The following SRCIN1 variants were observed in gnomAD, a reference collection of about 807,000 sequenced individuals.
SRCIN1 encodes the protein P130Cas-associated protein.
SRCIN1 carries 50 observed loss-of-function variants against 116.2 expected under a neutral mutation model. That is an observed-to-expected ratio of 0.43 (90% CI 0.34 to 0.54). The LOEUF (loss-of-function observed/expected upper bound fraction) is 0.54. Ranked by LOEUF, SRCIN1 falls within the 20% of genes least tolerant of loss-of-function variation. SRCIN1 has a pLI of 0.02. For synonymous variants in SRCIN1, 736 were observed against 750.0 expected (o/e 0.98, Z 0.30); for missense variants, 1,446 against 1,672.0 (o/e 0.86, Z 2.36).
At chr17:38,573,831 G>A (rs1567873514) in intron 2 of SRCIN1, among the ~76,000 whole-genome samples, 1 of 152,218 alleles carries the variant, frequency 6.6e-6, no homozygotes, top group East Asian at 1.9e-4. Flanking sequence ...CAGCCTTGGG[G>A]GCAGACACAT....
chr17:38,589,904 C>G (rs567030183), intron 1 of SRCIN1, among the ~76,000 whole-genome samples: 24 of 152,164 alleles, frequency 1.6e-4, no homozygotes, highest in Non-Finnish European at 2.9e-4. Context: ...GAGGGCAGCC[C>G]GGAGTTCACA....
Position 38,562,064 on chromosome 17 carries a change from C to CGCTGGG in SRCIN1, c.1093_1098dup (p.Pro365_Ser366dup). On this transcript the variant is annotated inframe_insertion, in exon 7 of 19. Coordinates refer to ENST00000617146, the MANE Select transcript of SRCIN1 (RefSeq NM_025248.3). The surrounding 1 kb of genome is among the most constrained non-coding windows in gnomAD (Gnocchi z 4.2). ...TTCACGTCGCGCCGCTCCAGGATGG[C>CGCTGGG]GCTGGGGCTGGGGCTGACGCCCTGG... 4 of 1,483,172 alleles carry CGCTGGG rather than the reference C, an allele frequency of 2.7e-6. No homozygotes were observed. The highest frequency in any genetic ancestry group is 3.6e-6 in the Non-Finnish European group (4 of 1,124,396). The allele number at this position is 1,483,172 out of a possible 1,614,324, so 91.9% of individuals were successfully genotyped here. A position where few individuals can be genotyped will look rare whatever the true frequency, so the allele number is the denominator to read the frequency against.
Position 38,585,437 on chromosome 17 carries a change from G to A in SRCIN1, c.23-6646C>T, listed in dbSNP as rs1908060946. ...CAGTCGGGAAGCACACGGTGTGCTT[G>A]GAGGTTGGAGGCCAGAGGACAAAGG... On this transcript the variant is annotated intron_variant, in intron 1 of 18. Transcript: ENST00000617146. The surrounding 1 kb of genome is among the most constrained non-coding windows in gnomAD (Gnocchi z 4.2). Among the ~76,000 whole-genome samples, 1 of 152,216 alleles carries A rather than the reference G, an allele frequency of 6.6e-6. No homozygotes were observed.
At position 38,544,115 on chromosome 17, in the gene SRCIN1, G is replaced by T. The variant is rs567780399; in HGVS notation, c.3271-146C>A. ...GAGACCCCTCTCTAGCTCCACACCCGAGTCCAGAACCCAGGTCCACCCTCT... is the reference window on the plus strand; with the variant it reads ...GAGACCCCTCTCTAGCTCCACACCCTAGTCCAGAACCCAGGTCCACCCTCT... On this transcript the variant is annotated intron_variant, in intron 17 of 18. Transcript: ENST00000617146. This position sits in a 1 kb window ranked among gnomAD's most constrained non-coding sequence, Gnocchi z 4.5. 18 of 1,007,020 alleles carry T rather than the reference G, an allele frequency of 1.8e-5. No individual in the cohort carries two copies. The East Asian group carries it at 3.0e-4, about 17-fold the overall frequency. 62.4% of individuals were successfully genotyped at this position (1,007,020 alleles called of 1,614,324 possible).
In SRCIN1 at chr17:38,562,783, C is replaced by CA; in HGVS notation, c.834+43dup. 1 of 1,554,136 alleles carries CA rather than the reference C, an allele frequency of 6.4e-7. No homozygotes were observed. The highest frequency in any genetic ancestry group is 1.4e-5 in the African/African-American group (1 of 73,686). ...GCCCAGACCCTGCTCCCCTGGACCCCATGTGCCCAGCCTCCCCAATGCCCT... is the reference window on the plus strand; with the variant it reads ...GCCCAGACCCTGCTCCCCTGGACCCCAATGTGCCCAGCCTCCCCAATGCCCT... On this transcript the variant is annotated intron_variant, in intron 6 of 18. Transcript: ENST00000617146. This position sits in a 1 kb window ranked among gnomAD's most constrained non-coding sequence, Gnocchi z 4.2.
In SRCIN1 at chr17:38,578,582, G is replaced by T. The variant is rs778725959; in HGVS notation, c.232C>A (p.Arg78Ser). 6.8e-6 allele frequency: 11 copies of T among 1,612,100 alleles called. No homozygotes were observed. The South Asian group carries it at 9.9e-5, about 14-fold the overall frequency. ...TGGTCCATGAAGGCATCACGCTTGC[G>T]GTCGGCGTCCGCCTTCTGGAGCCCG... Reference protein sequence around the residue: ...LSGLQKADADRKRDAFMDHLK... With the variant: ...LSGLQKADADSKRDAFMDHLK... Residue 78 changes from arginine to serine, a missense_variant, in exon 2 of 19, where the codon CGC becomes AGC. This residue lies in a region of SRCIN1 where 246 missense variants were observed against 265.1 expected (regional missense o/e 0.93). Transcript: ENST00000617146.
In SRCIN1 at chr17:38,572,401, G is replaced by A. The variant is rs1907137368; in HGVS notation, c.325-4170C>T. Among the ~76,000 whole-genome samples the A allele has an allele frequency of 6.6e-6, 1 of 152,164 alleles. No individual in the cohort carries two copies. Among genetic ancestry groups the A allele is most frequent in the African/African-American group, 2.4e-5 (1 of 41,444 alleles). ...GTGCTGTGGGACGCTGGGGAAGAGGGCGCACCCCGGGAAGGTCATGACTTT... is the reference window on the plus strand; with the variant it reads ...GTGCTGTGGGACGCTGGGGAAGAGGACGCACCCCGGGAAGGTCATGACTTT... On this transcript the variant is annotated intron_variant, in intron 2 of 18. Coordinates refer to ENST00000617146, the MANE Select transcript of SRCIN1 (RefSeq NM_025248.3). The surrounding 1 kb of genome is among the most constrained non-coding windows in gnomAD (Gnocchi z 4.3).
At chr17:38,596,073 A>G (rs1439087276) in intron 1 of SRCIN1, among the ~76,000 whole-genome samples, 5 of 152,068 alleles carry the variant, frequency 3.3e-5, no homozygotes, top group Non-Finnish European at 5.9e-5. Context: ...TAACCTGGAG[A>G]CTTTAAACAG....
chr17:38,606,809 A>ACCCAGT (rs374645041), upstream of SRCIN1, among the ~76,000 whole-genome samples: 166 of 151,954 alleles, frequency 1.1e-3, no homozygotes, highest in African/African-American at 3.7e-3. This position sits in a 1 kb window ranked among gnomAD's most constrained non-coding sequence, Gnocchi z 5.2. Context: ...CCAGACCCAG[A>ACCCAGT]CCCAGGCCCG....
Position 38,533,402 on chromosome 17 carries a change from C to T in SRCIN1, c.3447G>A (p.Gly1149=), listed in dbSNP as rs200951084. ...AGACTGGGCTCGAGGTCTCATTCGA[C>T]CCGCTCATCTCTTTAGATGGTTTAG... The part of the protein sequence containing the change: ...QATKPSKEMS[G]SNETSSPVSE... The change falls in exon 19 of 19, where the codon GGG becomes GGA. Residue 1149 remains glycine, a synonymous_variant. Transcript: ENST00000617146. 6.2e-7 allele frequency: 1 copy of T among 1,612,824 alleles called. No homozygotes were observed. Among genetic ancestry groups the T allele is most frequent in the Admixed American group, 1.7e-5 (1 of 59,884 alleles).
At position 38,562,213 on chromosome 17, in the gene SRCIN1, G is replaced by A; in HGVS notation, c.950C>T (p.Pro317Leu). Residue 317 changes from proline (P) to leucine (L), a missense_variant, in exon 7 of 19, where the codon CCG becomes CTG. By Grantham distance (98) the Pro-to-Leu change is moderately conservative (BLOSUM62 -3). This residue lies in a region of SRCIN1 where 239 missense variants were observed against 317.7 expected (regional missense o/e 0.75). Coordinates refer to ENST00000617146, the MANE Select transcript of SRCIN1 (RefSeq NM_025248.3). This position sits in a 1 kb window ranked among gnomAD's most constrained non-coding sequence, Gnocchi z 4.2. ...SPPPGLPSGL[P>L]SGLQSGSPSR... ...CGGCGAACCGGACTGCAGCCCGGAC[G>A]GCAGCCCCGACGGCAGCCCGGGCGG... The A allele has an allele frequency of 7.0e-7, 1 of 1,433,274 alleles. No individual in the cohort carries two copies. The highest frequency in any genetic ancestry group is 9.1e-7 in the Non-Finnish European group (1 of 1,103,352). The allele number at this position is 1,433,274 out of a possible 1,614,324, so 88.8% of individuals were successfully genotyped here.
chr17:38,537,071 G>C (rs1279171710), intron 18 of SRCIN1, among the ~76,000 whole-genome samples: 1 of 151,972 alleles, frequency 6.6e-6, no homozygotes, highest in Non-Finnish European at 1.5e-5. Context: ...CCAGCTACCT[G>C]GGAGGCTGAG....
At chr17:38,564,660 C>T (rs1906562847) in intron 3 of SRCIN1, among the ~76,000 whole-genome samples, 1 of 148,798 alleles carries the variant, frequency 6.7e-6, no homozygotes, top group Non-Finnish European at 1.5e-5. Context: ...GCAGCAGAAT[C>T]GTTGAGCAAA....
intron 18 of SRCIN1, among the ~76,000 whole-genome samples, chr17:38,535,773 C>A (rs1415495998): frequency 6.6e-6 from 1 of 152,142 alleles, no homozygotes; most frequent in Non-Finnish European, 1.5e-5. Flanking sequence ...AAAGTTCTTT[C>A]CCCCAAAGCC....
intron 1 of SRCIN1, among the ~76,000 whole-genome samples, chr17:38,600,666 AG>A (rs1908969601): frequency 6.6e-6 from 1 of 152,182 alleles, no homozygotes; most frequent in Non-Finnish European, 1.5e-5. Flanking sequence ...CAGGCCCTGG[AG>A]GGTGCACAGC....
At chr17:38,536,007 C>T (rs1344231476) in intron 18 of SRCIN1, among the ~76,000 whole-genome samples, 1 of 152,226 alleles carries the variant, frequency 6.6e-6, no homozygotes, top group African/African-American at 2.4e-5. Context: ...CACCACCTGG[C>T]TTCTGTATTC....
intron 18 of SRCIN1, among the ~76,000 whole-genome samples, chr17:38,540,073 A>G (rs1056264468): frequency 2.6e-5 from 4 of 151,912 alleles, no homozygotes; most frequent in Non-Finnish European, 5.9e-5. Flanking sequence ...CTGAGAAGAT[A>G]AGCAGTTGTT....
At chr17:38,564,957 CAT>C (rs751009838) in intron 3 of SRCIN1, among the ~76,000 whole-genome samples, 163 of 152,322 alleles carry the variant, frequency 1.1e-3, no homozygotes, top group Admixed American at 2.9e-3. Flanking sequence ...CCACAACACA[CAT>C]GTTAAGTCTG....
chr17:38,590,589 G>C (rs191689019), intron 1 of SRCIN1, among the ~76,000 whole-genome samples: 1 of 152,308 alleles, frequency 6.6e-6, no homozygotes, highest in African/African-American at 2.4e-5. Context: ...CAAAGGGCTC[G>C]TGCAGCCATC....
Sources: allele counts gnomAD v4.1 joint callset (sites outside exome capture counted in the v4.1 genomes callset), GRCh38; gene constraint gnomAD v4.1.1; regional missense constraint gnomAD v4.1.1; non-coding constraint Gnocchi (gnomAD v3.1); transcripts MANE v1.5; gene names NCBI Gene and HGNC (gene_info 2026-07-23, HGNC 2026-07-21).